EPAS1: variants seen among roughly 807,000 people sequenced by gnomAD.
The protein encoded by EPAS1 is endothelial PAS domain-containing protein 1.
Under a neutral mutation model 87.9 loss-of-function variants are expected in EPAS1, and 23 were observed. That is an observed-to-expected ratio of 0.26 (90% CI 0.19 to 0.37). The LOEUF (loss-of-function observed/expected upper bound fraction) is 0.37. EPAS1 is among the 10% of genes least tolerant of loss of function. EPAS1 has a pLI of 1.00. For missense variants in EPAS1, 1,138 were observed against 1,120.7 expected, an observed-to-expected ratio of 1.02 and a Z score of -0.22; for synonymous variants, 508 against 444.3, an observed-to-expected ratio of 1.14 and a Z score of -1.80.
intron 15 of EPAS1, among the ~76,000 whole-genome samples, chr2:46,383,689 A>G (rs915655569): frequency 6.6e-6 from 1 of 152,254 alleles, no homozygotes; most frequent in Admixed American, 6.5e-5. Context: ...AGGGAAAATC[A>G]TATTCTTTTC....
intron 1 of EPAS1, among the ~76,000 whole-genome samples, chr2:46,327,069 AG>A (rs1348154609): frequency 6.6e-6 from 1 of 152,256 alleles, no homozygotes; most frequent in East Asian, 1.9e-4. Flanking sequence ...CTTCAGGACC[AG>A]CAGGGGCCGT....
At position 46,379,991 on chromosome 2, in the gene EPAS1, G is replaced by A. The variant is rs1004821521; in HGVS notation, c.1555-236G>A. The A allele has an allele frequency of 1.5e-4, 93 of 639,446 alleles. No individual in the cohort carries two copies. The African/African-American group carries it at 1.6e-3, about 11-fold the overall frequency. 39.6% of individuals were successfully genotyped at this position (639,446 alleles called of 1,614,324 possible). A position where few individuals can be genotyped will look rare whatever the true frequency, so the allele number is the denominator to read the frequency against. On this transcript the variant is annotated intron_variant, in intron 11 of 15. Transcript: ENST00000263734. ...TGGGGAGAGGAGAACATTTCTCAAT[G>A]TGCAGGGTGAAGAGGGGATAAACAT...
At chr2:46,314,856 A>G (rs1436923361) in intron 1 of EPAS1, among the ~76,000 whole-genome samples, 1 of 152,154 alleles carries the variant, frequency 6.6e-6, no homozygotes, top group East Asian at 1.9e-4. Context: ...CAAGACCACC[A>G]CCCTCAAGAA....
At chr2:46,307,350 T>C (rs979368712) in intron 1 of EPAS1, among the ~76,000 whole-genome samples, 2 of 152,194 alleles carry the variant, frequency 1.3e-5, no homozygotes, top group Non-Finnish European at 2.9e-5. Context: ...TTTGTGTGCT[T>C]GCACAACAAA....
intron 1 of EPAS1, among the ~76,000 whole-genome samples, chr2:46,319,249 G>C (rs2104847952): frequency 6.6e-6 from 1 of 152,326 alleles, no homozygotes; most frequent in South Asian, 2.1e-4. Context: ...CCTTACCCTG[G>C]GTAAAATGAT....
At chr2:46,299,806 TC>T (rs779791265) in intron 1 of EPAS1, among the ~76,000 whole-genome samples, 26 of 152,294 alleles carry the variant, frequency 1.7e-4, no homozygotes, top group Middle Eastern at 3.4e-3. Flanking sequence ...AGTACCTGGT[TC>T]GTTAGCGGAC....
At chr2:46,368,716 T>A (rs1352150689) in intron 6 of EPAS1, among the ~76,000 whole-genome samples, 1 of 152,006 alleles carries the variant, frequency 6.6e-6, no homozygotes, top group Admixed American at 6.6e-5. Flanking sequence ...TATCCAGGAG[T>A]CATGCCTTCT....
At chr2:46,364,498 A>G (rs1268520540) in intron 6 of EPAS1, among the ~76,000 whole-genome samples, 2 of 152,252 alleles carry the variant, frequency 1.3e-5, no homozygotes, top group Admixed American at 1.3e-4. Flanking sequence ...TGAATCTGAA[A>G]CAACCTATTC....
chr2:46,376,807 A>T, intron 9 of EPAS1, 54 bp downstream of exon 9: 4 of 1,583,778 alleles, frequency 2.5e-6, no homozygotes, highest in Non-Finnish European at 3.5e-6. Context: ...GGCTGGGAAG[A>T]GTTCTTACTA....
In EPAS1 at chr2:46,378,745, C is replaced by T. The variant is rs749516720; in HGVS notation, c.1532C>T (p.Ala511Val). ...IEKLFAMDTE[A>V]KDQCSTQTDF... ...AAGCTCTTCGCCATGGACACAGAGG[C>T]CAAGGACCAATGCAGTACCCAGGTA... is the stretch of plus-strand genomic sequence containing the variant. The change falls in exon 11 of 16, where the codon GCC becomes GTC. Residue 511 changes from alanine to valine, a missense_variant. This residue lies in a region of EPAS1 where 284 missense variants were observed against 258.4 expected (regional missense o/e 1.10). Transcript: ENST00000263734. The T allele has an allele frequency of 2.5e-6, 4 of 1,614,140 alleles. No homozygotes were observed. The highest frequency in any genetic ancestry group is 3.4e-6 in the Non-Finnish European group (4 of 1,179,980).
In EPAS1 at chr2:46,348,923, A is replaced by G. The variant is rs1041566561; in HGVS notation, c.217+1860A>G. ...TATTAATTGTAGAATGCCTCTGACTAAATTTGGACTCGTTGTGTTTCTCCT... is the reference window on the plus strand; with the variant it reads ...TATTAATTGTAGAATGCCTCTGACTGAATTTGGACTCGTTGTGTTTCTCCT... On this transcript the variant is annotated intron_variant, in intron 2 of 15. Coordinates refer to ENST00000263734, the MANE Select transcript of EPAS1 (RefSeq NM_001430.5). 2.6e-5 allele frequency among the ~76,000 whole-genome samples: 4 copies of G among 152,190 alleles called. No individual in the cohort carries two copies. The East Asian group carries it at 7.7e-4, about 29-fold the overall frequency.
chr2:46,298,004 G>A, intron 1 of EPAS1, 67 bp downstream of exon 1: 1 of 1,583,732 alleles, frequency 6.3e-7, no homozygotes. Flanking sequence ...CGGGGCAGGC[G>A]CGACCGAGAG....
At chr2:46,340,401 G>A (rs371193458) in intron 1 of EPAS1, among the ~76,000 whole-genome samples, 18 of 152,290 alleles carry the variant, frequency 1.2e-4, no homozygotes, top group East Asian at 9.7e-4. Flanking sequence ...CGGAGCGGAG[G>A]TTGGGAGGCT....
chr2:46,347,019 G>T lies in EPAS1; in HGVS notation c.173G>T (p.Arg58Leu). Reference sequence around the variant, plus strand: ...CATCTGGACAAGGCCTCCATCATGCGACTGGCAATCAGCTTCCTGCGAACA... The same window carrying T: ...CATCTGGACAAGGCCTCCATCATGCTACTGGCAATCAGCTTCCTGCGAACA... Reference protein sequence around the residue: ...SSHLDKASIMRLAISFLRTHK... With the variant: ...SSHLDKASIMLLAISFLRTHK... Residue 58 changes from arginine (R) to leucine (L), a missense_variant, in exon 2 of 16, where the codon CGA (arginine) becomes CTA (leucine). Coordinates refer to ENST00000263734, the MANE Select transcript of EPAS1 (RefSeq NM_001430.5). The surrounding 1 kb of genome is among the most constrained non-coding windows in gnomAD (Gnocchi z 4.2). 1 of 1,614,168 alleles carries T rather than the reference G, an allele frequency of 6.2e-7. No individual in the cohort carries two copies. The highest frequency in any genetic ancestry group is 8.5e-7 in the Non-Finnish European group (1 of 1,180,034).
intron 1 of EPAS1, among the ~76,000 whole-genome samples, chr2:46,320,515 T>C (rs1683435126): frequency 6.6e-6 from 1 of 152,212 alleles, no homozygotes; most frequent in African/African-American, 2.4e-5. Context: ...TAATAGCAGT[T>C]TGTGGGCTAA....
intron 15 of EPAS1, 123 bp from the exon 16 acceptor site, chr2:46,384,386 A>G: frequency 7.3e-7 from 1 of 1,372,044 alleles, no homozygotes; most frequent in Non-Finnish European, 1.0e-6. Flanking sequence ...TGGGACAGAC[A>G]CCACTGAAGG....
chr2:46,349,998 T>C (rs1245680935), intron 2 of EPAS1, among the ~76,000 whole-genome samples: 1 of 152,220 alleles, frequency 6.6e-6, no homozygotes, highest in Admixed American at 6.5e-5. Context: ...CCTGCAATGT[T>C]ATTTGGGGAT....
chr2:46,349,314 T>C (rs1684097968), intron 2 of EPAS1, among the ~76,000 whole-genome samples: 1 of 152,214 alleles, frequency 6.6e-6, no homozygotes, highest in South Asian at 2.1e-4. Flanking sequence ...GGTTCAAAGG[T>C]TGGCCTCGAA....
In EPAS1 at chr2:46,384,699, G is replaced by C; in HGVS notation, c.*39G>C. 5.6e-6 allele frequency: 9 copies of C among 1,607,560 alleles called. No individual in the cohort carries two copies. The highest frequency in any genetic ancestry group is 7.6e-6 in the Non-Finnish European group (9 of 1,178,266). On this transcript the variant is annotated 3_prime_UTR_variant, in exon 16 of 16. Coordinates refer to ENST00000263734, the MANE Select transcript of EPAS1 (RefSeq NM_001430.5). Reference sequence around the variant, plus strand: ...CCTGGGCAGCACCTCTGCCGACGCCGTCCCACCAGCTTCACTCTCTCCGTC... The same window carrying C: ...CCTGGGCAGCACCTCTGCCGACGCCCTCCCACCAGCTTCACTCTCTCCGTC...
Sources: allele counts gnomAD v4.1 joint callset (sites outside exome capture counted in the v4.1 genomes callset), GRCh38; gene constraint gnomAD v4.1.1; regional missense constraint gnomAD v4.1.1; non-coding constraint Gnocchi (gnomAD v3.1); transcripts MANE v1.5; gene names NCBI Gene and HGNC (gene_info 2026-07-23, HGNC 2026-07-21).